ADGRB3: variants seen among roughly 807,000 people sequenced by gnomAD.
ADGRB3 encodes adhesion G protein-coupled receptor B3.
In ADGRB3, 37 loss-of-function variants were observed where a neutral mutation model predicts 193.4. The ratio of observed to expected loss-of-function variants is 0.19; its 90% CI spans 0.15 to 0.25. The LOEUF (loss-of-function observed/expected upper bound fraction) is 0.25, where lower values mean the gene tolerates loss of function less well. Among genes scored for constraint, ADGRB3 ranks in the 10% least tolerant of loss-of-function variants. The pLI, the probability that ADGRB3 is intolerant of heterozygous loss-of-function variation, is 1.00. For synonymous variants in ADGRB3, 690 were observed against 644.2 expected (o/e 1.07, Z -1.08); for missense variants, 1,637 against 1,852.9 (o/e 0.88, Z 2.14).
rs181768230 is a variant in ADGRB3, at chr6:69,350,594, T to C, written c.3460-3639T>C. 2.5e-3 allele frequency among the ~76,000 whole-genome samples: 388 copies of C among 152,254 alleles called. 1 individual carries two copies. Among genetic ancestry groups the C allele is most frequent in the African/African-American group, 8.8e-3 (365 of 41,574 alleles). On this transcript the variant is annotated intron_variant, in intron 26 of 31. Coordinates refer to ENST00000370598, the MANE Select transcript of ADGRB3 (RefSeq NM_001704.3). ...TGTTAATTTCACAAGAACTCAAAGA[T>C]GCAATGATTTTAATATCTAATAAAT...
chr6:68,713,983 C>T (rs943140489), intron 3 of ADGRB3, among the ~76,000 whole-genome samples: 4 of 151,528 alleles, frequency 2.6e-5, no homozygotes, highest in Middle Eastern at 3.4e-3. Context: ...TTATATATGG[C>T]ATTTTATAGA....
At chr6:69,381,616 C>G (rs1408545854) in intron 30 of ADGRB3, among the ~76,000 whole-genome samples, 1 of 151,794 alleles carries the variant, frequency 6.6e-6, no homozygotes, top group African/African-American at 2.4e-5. Context: ...GTCTTTTGTC[C>G]TTTTCCTTTT....
intron 3 of ADGRB3, among the ~76,000 whole-genome samples, chr6:68,849,387 T>C (rs567325041): frequency 1.1e-4 from 16 of 151,996 alleles, no homozygotes; most frequent in African/African-American, 3.6e-4. Flanking sequence ...TAATCTCTTA[T>C]GTAGGAGAGG....
chr6:69,160,157 C>A (rs1258057817), intron 17 of ADGRB3, among the ~76,000 whole-genome samples: 1 of 152,136 alleles, frequency 6.6e-6, no homozygotes, highest in Non-Finnish European at 1.5e-5. Context: ...TTATTCATAA[C>A]ATATCAACCA....
intron 8 of ADGRB3, among the ~76,000 whole-genome samples, chr6:68,969,847 A>G (rs1768506925): frequency 6.6e-6 from 1 of 152,218 alleles, no homozygotes; most frequent in Non-Finnish European, 1.5e-5. Context: ...TTGGCCATCT[A>G]TTCTACCCAC....
chr6:68,884,704 TGTG>T (rs978122850), intron 3 of ADGRB3, among the ~76,000 whole-genome samples: 1 of 151,898 alleles, frequency 6.6e-6, no homozygotes, highest in African/African-American at 2.4e-5. Context: ...AACAGGTAGG[TGTG>T]GGGAGGAGTT....
chr6:68,751,834 GTTAT>G (rs1766205474), intron 3 of ADGRB3, among the ~76,000 whole-genome samples: 2 of 152,148 alleles, frequency 1.3e-5, no homozygotes, highest in South Asian at 4.1e-4. Context: ...AGCATATGTG[GTTAT>G]TTATTGAGCA....
chr6:68,876,399 G>A (rs1582275458), intron 3 of ADGRB3, among the ~76,000 whole-genome samples: 1 of 152,266 alleles, frequency 6.6e-6, no homozygotes, highest in Admixed American at 6.5e-5. Flanking sequence ...AAGCACAGAA[G>A]TGAAAGCAGT....
intron 3 of ADGRB3, among the ~76,000 whole-genome samples, chr6:68,762,749 A>G (rs1291184990): frequency 1.3e-5 from 2 of 152,134 alleles, no homozygotes; most frequent in African/African-American, 4.8e-5. Context: ...TCATAATCAT[A>G]AAAAGTAAAA....
chr6:69,065,793 A>G (rs994238347), intron 16 of ADGRB3, among the ~76,000 whole-genome samples: 3 of 151,666 alleles, frequency 2.0e-5, no homozygotes, highest in African/African-American at 4.8e-5. Context: ...ACACACACAC[A>G]CACACATATG....
chr6:69,203,206 T>C (rs1765467957), intron 17 of ADGRB3, among the ~76,000 whole-genome samples: 1 of 152,142 alleles, frequency 6.6e-6, no homozygotes, highest in African/African-American at 2.4e-5. Flanking sequence ...CAGTTTTAAA[T>C]CATACCTTAA....
intron 3 of ADGRB3, among the ~76,000 whole-genome samples, chr6:68,764,487 C>T (rs1766470994): frequency 6.6e-6 from 1 of 152,174 alleles, no homozygotes; most frequent in East Asian, 1.9e-4. Flanking sequence ...AGATATCAGA[C>T]TGCTCGAGCA....
At chr6:68,890,818 T>C (rs1291080871) in intron 3 of ADGRB3, among the ~76,000 whole-genome samples, 1 of 152,128 alleles carries the variant, frequency 6.6e-6, no homozygotes, top group Non-Finnish European at 1.5e-5. Flanking sequence ...ATAAATGCCA[T>C]AAATGGATCT....
At chr6:69,123,314 A>G (rs1773769999) in intron 17 of ADGRB3, among the ~76,000 whole-genome samples, 1 of 152,172 alleles carries the variant, frequency 6.6e-6, no homozygotes, top group South Asian at 2.1e-4. Flanking sequence ...CGTAAGTACA[A>G]ATTAAGTCAA....
chr6:68,658,450 G>T (rs1048638115), intron 3 of ADGRB3, among the ~76,000 whole-genome samples: 7 of 151,080 alleles, frequency 4.6e-5, no homozygotes, highest in African/African-American at 1.7e-4. Context: ...TCCACCTAGT[G>T]TTTTCCAAGC....
intron 3 of ADGRB3, among the ~76,000 whole-genome samples, chr6:68,745,565 GT>G (rs1456816024): frequency 6.6e-6 from 1 of 151,886 alleles, no homozygotes; most frequent in Non-Finnish European, 1.5e-5. Context: ...TTTGTTATGT[GT>G]TTTTTACCTG....
intron 26 of ADGRB3, among the ~76,000 whole-genome samples, chr6:69,341,518 G>A (rs1473321162): frequency 1.3e-5 from 2 of 152,144 alleles, no homozygotes; most frequent in Admixed American, 6.5e-5. Context: ...GCAAGGGGAG[G>A]AGAGTATTTT....
intron 11 of ADGRB3, among the ~76,000 whole-genome samples, chr6:69,011,091 A>AAT (rs111273200): frequency 0.11 from 17,158 of 151,328 alleles, 1,143 homozygotes; most frequent in Middle Eastern, 0.26. Flanking sequence ...TGTCAAAGTG[A>AAT]ATATATATTC....
At chr6:69,202,772 T>G (rs772922233) in intron 17 of ADGRB3, among the ~76,000 whole-genome samples, 15 of 152,154 alleles carry the variant, frequency 9.9e-5, no homozygotes, top group Non-Finnish European at 1.8e-4. Flanking sequence ...AGAAATCAGA[T>G]ACTTTATTGG....
Sources: gnomAD v4.1 joint callset for allele counts (sites outside exome capture counted in the v4.1 genomes callset) on GRCh38, gnomAD v4.1.1 for gene constraint, MANE v1.5 for transcripts, NCBI Gene and HGNC (gene_info 2026-07-23, HGNC 2026-07-21) for gene names.